The following SCUBE1 variants were observed in gnomAD, a reference collection of about 807,000 sequenced individuals.
SCUBE1 encodes the protein signal peptide, CUB and EGF-like domain-containing protein 1.
A neutral mutation model predicts 124.4 loss-of-function variants in SCUBE1; 59 were observed. The observed-to-expected ratio is 0.47, with a 90% CI of 0.38 to 0.59. The LOEUF (loss-of-function observed/expected upper bound fraction) is 0.59. Among genes scored for constraint, SCUBE1 ranks in the 20% least tolerant of loss-of-function variants. The probability of loss-of-function intolerance (pLI) is 0.00; values close to 1 mark genes in which losing one functional copy is unlikely to be tolerated. For synonymous variants in SCUBE1, 545 were observed against 550.9 expected (o/e 0.99, Z 0.15); for missense variants, 1,150 against 1,371.2 (o/e 0.84, Z 2.55).
intron 4 of SCUBE1, among the ~76,000 whole-genome samples, chr22:43,266,218 C>T (rs1039162982): frequency 1.3e-5 from 2 of 152,196 alleles, no homozygotes; most frequent in South Asian, 2.1e-4. Context: ...GAGCCAGGCT[C>T]ACCCGCTGCA....
Position 43,214,045 on chromosome 22 carries a change from C to T in SCUBE1, c.2053+45G>A, listed in dbSNP as rs557639671. 16 of 457,552 alleles carry T rather than the reference C, an allele frequency of 3.5e-5. No homozygotes were observed. In the East Asian group the frequency reaches 7.6e-4, roughly 22 times the overall value. The allele number at this position is 457,552 out of a possible 1,614,324, so 28.3% of individuals were successfully genotyped here. ...GCCTCATCAGAGACAGGAGGAGCCC[C>T]CGCCCACCCCCCACCCCCACCTCTC... On this transcript the variant is annotated intron_variant, in intron 16 of 21. Coordinates refer to ENST00000360835, the MANE Select transcript of SCUBE1 (RefSeq NM_173050.5).
chr22:43,226,813 C>T (rs73886454), intron 10 of SCUBE1, among the ~76,000 whole-genome samples: 11,269 of 152,032 alleles, frequency 0.074, 969 homozygotes, highest in African/African-American at 0.21. Flanking sequence ...AACCAGGGAA[C>T]GCAGGGGCCC....
At chr22:43,325,907 GT>G (rs1421743104) in intron 2 of SCUBE1, among the ~76,000 whole-genome samples, 2 of 151,244 alleles carry the variant, frequency 1.3e-5, no homozygotes, top group African/African-American at 4.9e-5. Flanking sequence ...AGCAACGCAG[GT>G]TTGGAACCCA....
intron 2 of SCUBE1, among the ~76,000 whole-genome samples, chr22:43,336,382 A>G (rs1185347066): frequency 6.6e-6 from 1 of 152,214 alleles, no homozygotes; most frequent in Non-Finnish European, 1.5e-5. Context: ...CTCTGTGGAT[A>G]TCTTACAGGT....
chr22:43,281,509 TCC>T (rs1924877538), intron 4 of SCUBE1, among the ~76,000 whole-genome samples: 1 of 50,308 alleles, frequency 2.0e-5, no homozygotes, highest in Non-Finnish European at 3.3e-5. Context: ...TGTCACCTCC[TCC>T]TCAGCCACCC....
intron 4 of SCUBE1, among the ~76,000 whole-genome samples, chr22:43,266,378 G>C (rs1017343320): frequency 2.0e-5 from 3 of 152,092 alleles, no homozygotes; most frequent in African/African-American, 7.2e-5. Flanking sequence ...CCTGGCCTGG[G>C]GGCTGACTGT....
At chr22:43,276,017 T>G (rs919998209) in intron 4 of SCUBE1, 6 of 151,862 alleles carry the variant, frequency 4.0e-5, no homozygotes, top group African/African-American at 1.5e-4. Flanking sequence ...GGGAGGTGAG[T>G]AGAGCTCGGA....
Position 43,258,069 on chromosome 22 carries a change from C to T in SCUBE1, c.727+150G>A, listed in dbSNP as rs1046225793. 1.2e-5 allele frequency: 8 copies of T among 661,058 alleles called. No individual in the cohort carries two copies. Among genetic ancestry groups the T allele is most frequent in the African/African-American group, 8.9e-5 (5 of 56,300 alleles). 40.9% of individuals were successfully genotyped at this position (661,058 alleles called of 1,614,324 possible). On this transcript the variant is annotated intron_variant, in intron 6 of 21. Transcript: ENST00000360835. The surrounding 1 kb of genome is among the most constrained non-coding windows in gnomAD (Gnocchi z 5.0). The stretch of plus-strand genomic sequence containing the variant: ...CCTCCCCAGGGGCGCCGGCCATCCC[C>T]GCCATTGCCATGGGCTTGCCTTTCC...
At chr22:43,329,487 A>T (rs1926835227) in intron 2 of SCUBE1, among the ~76,000 whole-genome samples, 1 of 152,230 alleles carries the variant, frequency 6.6e-6, no homozygotes, top group African/African-American at 2.4e-5. Flanking sequence ...TAGGGCTGGG[A>T]CCCGGTCTCC....
At chr22:43,231,602 G>C in intron 8 of SCUBE1, 151 bp downstream of exon 8, 1 of 877,136 alleles carries the variant, frequency 1.1e-6, no homozygotes. Flanking sequence ...GATTGGACTG[G>C]ATGTCCCCTA....
chr22:43,214,605 C>T (rs373083403), intron 15 of SCUBE1, among the ~76,000 whole-genome samples: 2 of 152,316 alleles, frequency 1.3e-5, no homozygotes, highest in African/African-American at 2.4e-5. Flanking sequence ...TCCTGGATGT[C>T]GCCACTTGGA....
intron 2 of SCUBE1, among the ~76,000 whole-genome samples, chr22:43,335,716 A>T (rs1488296631): frequency 6.6e-6 from 1 of 151,452 alleles, no homozygotes; most frequent in Non-Finnish European, 1.5e-5. Flanking sequence ...GCCTGAAACT[A>T]CTTTGACAGC....
intron 14 of SCUBE1, among the ~76,000 whole-genome samples, chr22:43,219,740 G>T (rs1318473575): frequency 6.6e-6 from 1 of 152,014 alleles, no homozygotes; most frequent in African/African-American, 2.4e-5. Flanking sequence ...CTCCCAGACT[G>T]CTGGGATTAC....
At chr22:43,226,292 G>A (rs779316870) in intron 10 of SCUBE1, among the ~76,000 whole-genome samples, 11 of 152,186 alleles carry the variant, frequency 7.2e-5, no homozygotes, top group Non-Finnish European at 1.5e-4. Context: ...GAGTGTGATG[G>A]GAGGGAAAGC....
rs1920967491 is a variant in SCUBE1, at chr22:43,199,119, G to C, written c.*4878C>G. ...TGCTGTCTGGGGCAGTTTGTCATCT[G>C]TGCAGGGCACCAACTCCCTGTCTTT... On this transcript the variant is annotated 3_prime_UTR_variant, in exon 22 of 22. Transcript: ENST00000360835. 2.2e-5 allele frequency: 1 copy of C among 45,682 alleles called. No homozygotes were observed. Among genetic ancestry groups the C allele is most frequent in the Admixed American group, 2.5e-4 (1 of 4,012 alleles). The allele number at this position is 45,682 out of a possible 1,614,324, so 2.8% of individuals were successfully genotyped here.
chr22:43,328,483 A>T (rs889745232), intron 2 of SCUBE1, among the ~76,000 whole-genome samples: 4 of 152,226 alleles, frequency 2.6e-5, no homozygotes, highest in African/African-American at 9.6e-5. Flanking sequence ...CTCCAAGCTC[A>T]GGAGGACAAT....
chr22:43,330,652 G>C (rs143949514), intron 2 of SCUBE1, among the ~76,000 whole-genome samples: 74 of 152,296 alleles, frequency 4.9e-4, no homozygotes, highest in African/African-American at 1.7e-3. Context: ...GCAAACTGAG[G>C]CTCAGGGGTG....
rs1426447799 is a variant in SCUBE1, at chr22:43,343,287, G to C, written c.-26C>G. On this transcript the variant is annotated 5_prime_UTR_variant, in exon 1 of 22. Transcript: ENST00000360835. ...GCTCAATGCGGGCCCCGCTGGGCGT[G>C]CGGGCGTGCGGGGCGCGGGGACCCG... 1.9e-6 allele frequency: 2 copies of C among 1,074,558 alleles called. No individual in the cohort carries two copies. The highest frequency in any genetic ancestry group is 1.1e-6 in the Non-Finnish European group (1 of 885,530). The allele number at this position is 1,074,558 out of a possible 1,614,324, so 66.6% of individuals were successfully genotyped here.
At chr22:43,335,171 A>G (rs951105404) in intron 2 of SCUBE1, among the ~76,000 whole-genome samples, 16 of 152,160 alleles carry the variant, frequency 1.1e-4, no homozygotes, top group African/African-American at 3.9e-4. Flanking sequence ...ATGGTTTCCC[A>G]GCTCCCTCAG....
Sources: gnomAD v4.1 joint callset for allele counts (sites outside exome capture counted in the v4.1 genomes callset) on GRCh38, gnomAD v4.1.1 for gene constraint, Gnocchi (gnomAD v3.1) non-coding constraint, MANE v1.5 for transcripts, NCBI Gene and HGNC (gene_info 2026-07-23, HGNC 2026-07-21) for gene names.